Variants in TMCC2 observed in about 807,000 individuals in gnomAD.
TMCC2 encodes transmembrane and coiled-coil domain family 2, also known as transmembrane and coiled-coil domains protein 2.
TMCC2 carries 16 observed loss-of-function variants against 49.4 expected under a neutral mutation model. That is an observed-to-expected ratio of 0.32 (90% CI 0.22 to 0.49). TMCC2 has a LOEUF of 0.49. Among genes scored for constraint, TMCC2 ranks in the 20% least tolerant of loss-of-function variants. The pLI, the probability that TMCC2 is intolerant of heterozygous loss-of-function variation, is 0.99. For missense variants in TMCC2, 762 were observed against 989.8 expected (o/e 0.77, Z 3.09); for synonymous variants, 397 against 434.1 (o/e 0.91, Z 1.06).
chr1:205,253,190 G>A (rs1025864798), intron 2 of TMCC2, among the ~76,000 whole-genome samples: 2 of 151,418 alleles, frequency 1.3e-5, no homozygotes, highest in Middle Eastern at 3.4e-3. Flanking sequence ...GGGAGAGAAC[G>A]GAAGAATAAC....
At chr1:205,250,385 A>G (rs1660620012) in intron 2 of TMCC2, among the ~76,000 whole-genome samples, 1 of 152,052 alleles carries the variant, frequency 6.6e-6, no homozygotes, top group Admixed American at 6.6e-5. Flanking sequence ...TACTAAAAAT[A>G]CAAAAACTAG....
chr1:205,268,368 C>T (rs1661432442), intron 2 of TMCC2, among the ~76,000 whole-genome samples: 1 of 152,194 alleles, frequency 6.6e-6, no homozygotes, highest in Non-Finnish European at 1.5e-5. Flanking sequence ...AATCCCAGCA[C>T]TTTGGGAGGC....
rs556512758 is a variant in TMCC2 at position 205,270,149 on chromosome 1, C to T, written c.1682+265C>T. 1.6e-4 allele frequency among the ~76,000 whole-genome samples: 25 copies of T among 152,200 alleles called. No individual in the cohort carries two copies. In the East Asian group the frequency reaches 4.1e-3, roughly 25 times the overall value. ...GTAACCTCTGCCTCCTGGGTTCAAGCGATTCTCCTGCCTCGGCCTCCTGAG... is the reference window on the plus strand; with the variant it reads ...GTAACCTCTGCCTCCTGGGTTCAAGTGATTCTCCTGCCTCGGCCTCCTGAG... On this transcript the variant is annotated intron_variant, in intron 3 of 4. Transcript: ENST00000358024.
At chr1:205,268,093 G>A (rs984449760) in intron 2 of TMCC2, 1 of 985,138 alleles carries the variant, frequency 1.0e-6, no homozygotes, top group Non-Finnish European at 1.2e-6. Flanking sequence ...GTCAGCAGAG[G>A]CAGGGTGGCC....
intron 2 of TMCC2, among the ~76,000 whole-genome samples, chr1:205,247,053 A>G (rs1660481580): frequency 6.6e-6 from 1 of 152,108 alleles, no homozygotes. Flanking sequence ...ACTTTGGGTG[A>G]CCTGATGAGG....
At chr1:205,257,469 C>A in intron 2 of TMCC2, 4 of 1,129,636 alleles carry the variant, frequency 3.5e-6, no homozygotes, top group Non-Finnish European at 4.5e-6. Context: ...GCTGTGCTTA[C>A]ACTCCAGTCT....
At chr1:205,268,835 C>A in intron 2 of TMCC2, 115 bp from the exon 3 acceptor site, 1 of 1,010,954 alleles carries the variant, frequency 9.9e-7, no homozygotes, top group Non-Finnish European at 1.5e-6. Context: ...TGGTTGTCTT[C>A]TTTTGGACTC....
intron 4 of TMCC2, 64 bp from the exon 5 acceptor site, chr1:205,271,749 G>C: frequency 6.4e-7 from 1 of 1,556,904 alleles, no homozygotes; most frequent in Non-Finnish European, 8.7e-7. Flanking sequence ...GGGGTAGGTA[G>C]GTTTTCAGCC....
intron 2 of TMCC2, chr1:205,257,293 C>T: frequency 8.1e-7 from 1 of 1,232,278 alleles, no homozygotes; most frequent in Non-Finnish European, 1.0e-6. Flanking sequence ...CTGACACAGT[C>T]CGCAGACAGC....
chr1:205,234,649 G>A (rs1473721649), intron 1 of TMCC2, among the ~76,000 whole-genome samples: 1 of 151,940 alleles, frequency 6.6e-6, no homozygotes, highest in Non-Finnish European at 1.5e-5. Flanking sequence ...TGTTCTGCAA[G>A]AGGTGGGTTT....
intron 2 of TMCC2, among the ~76,000 whole-genome samples, chr1:205,263,949 A>G (rs1225695875): frequency 6.6e-6 from 1 of 152,198 alleles, no homozygotes; most frequent in Non-Finnish European, 1.5e-5. Flanking sequence ...TAGGTTCTTT[A>G]CTTACTAGTG....
intron 2 of TMCC2, among the ~76,000 whole-genome samples, chr1:205,265,829 G>T (rs1421585887): frequency 1.3e-5 from 2 of 151,458 alleles, no homozygotes; most frequent in East Asian, 3.9e-4. Flanking sequence ...AAAGTGCTGG[G>T]ATTACAGGCA....
At position 205,272,161 on chromosome 1, in the gene TMCC2, C is replaced by A. The variant is rs1252048135; in HGVS notation, c.*37C>A. The A allele has an allele frequency of 3.1e-6, 5 of 1,594,892 alleles. No individual in the cohort carries two copies. The Admixed American group carries it at 6.7e-5, about 21-fold the overall frequency. On this transcript the variant is annotated 3_prime_UTR_variant, in exon 5 of 5. Transcript: ENST00000358024. ...CACCAACCCTGTGCTCTCTGGCCCC[C>A]AGCTGGCCACACTTCTCCAGGAGGG...
At chr1:205,266,412 G>A (rs1353965511) in intron 2 of TMCC2, among the ~76,000 whole-genome samples, 7 of 151,440 alleles carry the variant, frequency 4.6e-5, no homozygotes, top group East Asian at 2.0e-4. Context: ...CCAACATGGC[G>A]AAACTCCATT....
chr1:205,229,551 G>GC (rs1162781053), intron 1 of TMCC2: 5 of 694,038 alleles, frequency 7.2e-6, no homozygotes, highest in East Asian at 1.5e-4. Context: ...GGGGCGGGGG[G>GC]GGGGGGGTGG....
intron 2 of TMCC2, among the ~76,000 whole-genome samples, chr1:205,267,292 C>G (rs1219214885): frequency 6.6e-6 from 1 of 152,184 alleles, no homozygotes; most frequent in Non-Finnish European, 1.5e-5. Flanking sequence ...ATCGTGTTTT[C>G]CAATAACTTT....
rs770054045 is a variant in TMCC2, at chr1:205,241,871, C to A, written c.574C>A (p.Arg192Ser). ...CAAGAGTAGCTCCCTGGAGCCCCAGCGTGGCAGCCCTCACCTGCTGCGCAA... is the reference window on the plus strand; with the variant it reads ...CAAGAGTAGCTCCCTGGAGCCCCAGAGTGGCAGCCCTCACCTGCTGCGCAA... ...RTKSSSLEPQ[R>S]GSPHLLRKAP... The change falls in exon 2 of 5, where the codon CGT becomes AGT. Residue 192 changes from arginine (R) to serine (S), a missense_variant. Physicochemically the swap from Arg to Ser is moderately radical, Grantham distance 110. Coordinates refer to ENST00000358024, the MANE Select transcript of TMCC2 (RefSeq NM_014858.4). The surrounding 1 kb of genome is among the most constrained non-coding windows in gnomAD (Gnocchi z 7.3). 2 of 1,603,258 alleles carry A rather than the reference C, an allele frequency of 1.2e-6. No individual in the cohort carries two copies. The highest frequency in any genetic ancestry group is 1.7e-6 in the Non-Finnish European group (2 of 1,176,582).
intron 4 of TMCC2, 87 bp from the exon 5 acceptor site, chr1:205,271,726 G>T (rs980640062): frequency 6.0e-5 from 90 of 1,502,220 alleles, no homozygotes; most frequent in Admixed American, 4.5e-4. Context: ...TTCGTTATAG[G>T]CACCTTCTCA....
chr1:205,241,656 C>T lies in TMCC2; in HGVS notation c.359C>T (p.Pro120Leu), dbSNP rs917330139. 6.2e-7 allele frequency: 1 copy of T among 1,613,750 alleles called. No homozygotes were observed. The highest frequency in any genetic ancestry group is 8.5e-7 in the Non-Finnish European group (1 of 1,179,998). ...CAGGGTATGTCCGACCATGACTCCC[C>T]AGATGAGAAGGAGCGCTCTCCGGAG... ...QQQGMSDHDS[P>L]DEKERSPEMH... The change falls in exon 2 of 5, where the codon CCA becomes CTA. Residue 120 changes from proline (P) to leucine (L), a missense_variant. Pro to Leu is a moderately conservative substitution (Grantham distance 98, BLOSUM62 -3). Transcript: ENST00000358024. The surrounding 1 kb of genome is among the most constrained non-coding windows in gnomAD (Gnocchi z 7.3).
Sources: allele counts gnomAD v4.1 joint callset (sites outside exome capture counted in the v4.1 genomes callset), GRCh38; gene constraint gnomAD v4.1.1; non-coding constraint Gnocchi (gnomAD v3.1); transcripts MANE v1.5; gene names NCBI Gene and HGNC (gene_info 2026-07-23, HGNC 2026-07-21).